The following KAZN variants were observed in gnomAD, a reference collection of about 807,000 sequenced individuals.
KAZN encodes the protein kazrin.
A neutral mutation model predicts 87.4 loss-of-function variants in KAZN; 40 were observed. The ratio of observed to expected loss-of-function variants is 0.46; its 90% CI spans 0.36 to 0.60. The LOEUF is 0.60. Among genes scored for constraint, KAZN ranks in the 20% least tolerant of loss-of-function variants. KAZN has a pLI of 0.00. For synonymous variants in KAZN, 466 were observed against 458.3 expected (o/e 1.02, Z -0.22); for missense variants, 898 against 1,073.9 (o/e 0.84, Z 2.29).
At chr1:14,014,252 C>T (rs568975397) in intron 1 of KAZN, among the ~76,000 whole-genome samples, 1 of 152,064 alleles carries the variant, frequency 6.6e-6, no homozygotes, top group East Asian at 1.9e-4. Context: ...CTGAACAACC[C>T]AAAACAGCCA....
At chr1:14,293,142 A>G (rs1653844695) in intron 2 of KAZN, among the ~76,000 whole-genome samples, 1 of 152,186 alleles carries the variant, frequency 6.6e-6, no homozygotes, top group African/African-American at 2.4e-5. Flanking sequence ...GTCACAGACA[A>G]TGTCATTTAT....
intron 1 of KAZN, among the ~76,000 whole-genome samples, chr1:13,966,933 T>C (rs1641967853): frequency 6.6e-6 from 1 of 152,164 alleles, no homozygotes; most frequent in Admixed American, 6.5e-5. Context: ...TACAGTACTA[T>C]TGGACAGCAC....
Position 14,996,442 on chromosome 1 carries a change from C to T in KAZN, c.418+35567C>T, listed in dbSNP as rs1349429856. Among the ~76,000 whole-genome samples, 1 of 152,180 alleles carries T rather than the reference C, an allele frequency of 6.6e-6. No homozygotes were observed. ...ACTTAGTCATCACTGTATCATCAGA[C>T]CCGGCACAGGGCCTGGCCTACAGTG... On this transcript the variant is annotated intron_variant, in intron 2 of 14. Coordinates refer to ENST00000376030, the MANE Select transcript of KAZN (RefSeq NM_201628.3). This position sits in a 1 kb window ranked among gnomAD's most constrained non-coding sequence, Gnocchi z 5.9.
intron 2 of KAZN, among the ~76,000 whole-genome samples, chr1:14,416,433 G>T (rs1303810910): frequency 6.6e-6 from 1 of 152,178 alleles, no homozygotes; most frequent in African/African-American, 2.4e-5. Flanking sequence ...TGCCTTGATA[G>T]TAATATAAAA....
At chr1:14,860,006 C>T (rs1421983342) in intron 1 of KAZN, among the ~76,000 whole-genome samples, 1 of 152,128 alleles carries the variant, frequency 6.6e-6, no homozygotes, top group Non-Finnish European at 1.5e-5. Flanking sequence ...TCACTCTCAC[C>T]AGTCACTTTG....
At chr1:14,655,743 A>G (rs2148705537) in intron 1 of KAZN, among the ~76,000 whole-genome samples, 1 of 152,322 alleles carries the variant, frequency 6.6e-6, no homozygotes, top group East Asian at 1.9e-4. Context: ...CATCTACCGA[A>G]TAATTCAGCT....
chr1:14,010,107 A>G (rs1640225179), intron 1 of KAZN, among the ~76,000 whole-genome samples: 1 of 152,100 alleles, frequency 6.6e-6, no homozygotes, highest in African/African-American at 2.4e-5. Flanking sequence ...ACTAATTAAA[A>G]AAATTAGCTA....
At chr1:15,069,993 G>A (rs1327051035) in intron 8 of KAZN, among the ~76,000 whole-genome samples, 1 of 152,188 alleles carries the variant, frequency 6.6e-6, no homozygotes, top group Non-Finnish European at 1.5e-5. Context: ...TATTAACTCA[G>A]TTAACCCTCC....
intron 2 of KAZN, among the ~76,000 whole-genome samples, chr1:14,318,076 T>C (rs1334892086): frequency 3.3e-5 from 5 of 152,084 alleles, no homozygotes; most frequent in Non-Finnish European, 7.4e-5. Context: ...ATCAACCTCC[T>C]GATACCTTTT....
intron 14 of KAZN, chr1:15,114,259 C>T: frequency 2.0e-6 from 1 of 510,452 alleles, no homozygotes; most frequent in Non-Finnish European, 3.5e-6. Context: ...CTTCCGGGGG[C>T]AGGGGGACAC....
At chr1:14,886,472 A>G (rs542480759) in intron 1 of KAZN, among the ~76,000 whole-genome samples, 23 of 151,552 alleles carry the variant, frequency 1.5e-4, no homozygotes, top group African/African-American at 5.4e-4. Flanking sequence ...ACAGAGAGAG[A>G]CAGAGAGAGA....
intron 1 of KAZN, among the ~76,000 whole-genome samples, chr1:13,896,778 T>G (rs1341782730): frequency 6.6e-6 from 1 of 152,192 alleles, no homozygotes; most frequent in Non-Finnish European, 1.5e-5. Flanking sequence ...TCTGTAAGTA[T>G]CTCATGTCTT....
At chr1:14,165,012 T>G (rs2100225902) in intron 1 of KAZN, among the ~76,000 whole-genome samples, 1 of 152,196 alleles carries the variant, frequency 6.6e-6, no homozygotes, top group African/African-American at 2.4e-5. Context: ...AATTGAAGCA[T>G]GATTATATGT....
In KAZN at chr1:14,892,839, C is replaced by T. The variant is rs560137359; in HGVS notation, c.227-67845C>T. Among the ~76,000 whole-genome samples, 3 of 152,302 alleles carry T rather than the reference C, an allele frequency of 2.0e-5. No individual in the cohort carries two copies. In the South Asian group the frequency reaches 6.2e-4, roughly 32 times the overall value. ...TCATCTTGTATCTCCAATACCTACA[C>T]ACACACACACAAAAGCTTCCAGAAG... On this transcript the variant is annotated intron_variant, in intron 1 of 14. Transcript: ENST00000376030.
rs527472962 is a variant in KAZN, at chr1:14,236,890, C to T, written c.249+56298C>T. ...CATGAGCCATGATCACACCACTGCA[C>T]TCCAGCCTGGGTGACGGAGCAAGAC... is the stretch of plus-strand genomic sequence containing the variant. On this transcript the variant is annotated intron_variant, in intron 2 of 16. Coordinates refer to the KAZN transcript ENST00000636203. 5.0e-4 allele frequency among the ~76,000 whole-genome samples: 76 copies of T among 152,274 alleles called. 1 individual carries two copies. The highest frequency in any genetic ancestry group is 8.5e-4 in the Non-Finnish European group (58 of 68,002).
Position 14,344,163 on chromosome 1 carries a change from CTTTT to C in KAZN, c.249+163585_249+163588del, listed in dbSNP as rs55837460. Among the ~76,000 whole-genome samples, 922 of 122,594 alleles carry C rather than the reference CTTTT, an allele frequency of 7.5e-3. 10 individuals are homozygous for C. Among genetic ancestry groups the C allele is most frequent in the African/African-American group, 0.026 (863 of 32,948 alleles). 80.4% of individuals were successfully genotyped at this position (122,594 alleles called of 152,430 possible). On this transcript the variant is annotated intron_variant, in intron 2 of 16. Transcript: ENST00000636203. ...TGATTCACTTATCCATTCATGTATT[CTTTT>C]TTTTTTTTTTTTTGACAAATATTTA...
chr1:14,416,614 G>T (rs1664782051), intron 2 of KAZN, among the ~76,000 whole-genome samples: 1 of 152,092 alleles, frequency 6.6e-6, no homozygotes, highest in Non-Finnish European at 1.5e-5. Flanking sequence ...GTGGGCACCT[G>T]TAATCCCAGC....
intron 1 of KAZN, among the ~76,000 whole-genome samples, chr1:14,632,916 CTTTA>C (rs148884958): frequency 0.42 from 62,844 of 150,580 alleles, 14,057 homozygotes; most frequent in Admixed American, 0.51. Context: ...ACAAAATGCA[CTTTA>C]TTTATTTTTT....
chr1:14,355,400 ATATTTATTTATTTATTTATT>A (rs58049152), intron 2 of KAZN, among the ~76,000 whole-genome samples: 61 of 147,978 alleles, frequency 4.1e-4, no homozygotes, highest in African/African-American at 1.4e-3. Context: ...AACAATCTAC[ATATTTATTTATTTATTTATT>A]TATTTATTTA....
Sources: allele counts gnomAD v4.1 joint callset (sites outside exome capture counted in the v4.1 genomes callset), GRCh38; gene constraint gnomAD v4.1.1; non-coding constraint Gnocchi (gnomAD v3.1); transcripts MANE v1.5; gene names NCBI Gene and HGNC (gene_info 2026-07-23, HGNC 2026-07-21).